Variants in ARHGAP10 observed in about 807,000 individuals in gnomAD.
The protein encoded by ARHGAP10 is rho GTPase-activating protein 10.
A neutral mutation model predicts 108.6 loss-of-function variants in ARHGAP10; 87 were observed. That is an observed-to-expected ratio of 0.80 (90% CI 0.67 to 0.96). The LOEUF (loss-of-function observed/expected upper bound fraction) is 0.96. ARHGAP10 is among the 40% of genes least tolerant of loss of function. The probability of loss-of-function intolerance (pLI) is 0.00; values close to 1 mark genes in which losing one functional copy is unlikely to be tolerated. For synonymous variants in ARHGAP10, 347 were observed against 341.1 expected, an observed-to-expected ratio of 1.02 and a Z score of -0.19; for missense variants, 939 against 954.5, an observed-to-expected ratio of 0.98 and a Z score of 0.21.
intron 14 of ARHGAP10, among the ~76,000 whole-genome samples, chr4:147,941,704 T>C (rs544993550): frequency 6.6e-6 from 1 of 152,374 alleles, no homozygotes; most frequent in South Asian, 2.1e-4. Flanking sequence ...TTGAGTAATC[T>C]ATAAATAATT....
At chr4:147,968,440 T>C (rs1014748055) in intron 18 of ARHGAP10, among the ~76,000 whole-genome samples, 3 of 152,252 alleles carry the variant, frequency 2.0e-5, no homozygotes, top group Non-Finnish European at 4.4e-5. Context: ...CAGAAGTTAT[T>C]ACCCCTTTTG....
chr4:147,910,794 C>T (rs890017487), intron 12 of ARHGAP10, among the ~76,000 whole-genome samples: 1 of 152,084 alleles, frequency 6.6e-6, no homozygotes, highest in African/African-American at 2.4e-5. Flanking sequence ...TTTGTAAACA[C>T]TGTGGTTATG....
chr4:148,037,646 C>T (rs1728438746), intron 19 of ARHGAP10, among the ~76,000 whole-genome samples: 1 of 152,052 alleles, frequency 6.6e-6, no homozygotes, highest in Non-Finnish European at 1.5e-5. Context: ...ATCATCCTGG[C>T]CAACATGGTG....
At chr4:147,868,258 A>T (rs1734650287) in intron 7 of ARHGAP10, among the ~76,000 whole-genome samples, 1 of 149,884 alleles carries the variant, frequency 6.7e-6, no homozygotes, top group Non-Finnish European at 1.5e-5. Flanking sequence ...TTTTTTTGAG[A>T]CAGGGTGTCA....
At chr4:148,028,102 A>G (rs1727961292) in intron 19 of ARHGAP10, among the ~76,000 whole-genome samples, 1 of 152,296 alleles carries the variant, frequency 6.6e-6, no homozygotes, top group Non-Finnish European at 1.5e-5. Flanking sequence ...GCCCAGTGCT[A>G]GCTCTGAGGA....
intron 13 of ARHGAP10, chr4:147,917,468 A>C (rs1203941834): frequency 6.6e-6 from 1 of 152,278 alleles, no homozygotes; most frequent in Non-Finnish European, 1.5e-5. Context: ...AGCTCCACTT[A>C]CAAGAGGCTT....
chr4:147,829,463 A>T (rs1732860662), intron 3 of ARHGAP10, among the ~76,000 whole-genome samples: 1 of 152,136 alleles, frequency 6.6e-6, no homozygotes. Context: ...TGCTGGGATT[A>T]CAGATGTGAG....
At chr4:147,850,294 T>TCC (rs1473636849) in intron 4 of ARHGAP10, among the ~76,000 whole-genome samples, 1 of 152,206 alleles carries the variant, frequency 6.6e-6, no homozygotes, top group African/African-American at 2.4e-5. Context: ...AGTAAGGGAA[T>TCC]AAAAGCTGGC....
intron 1 of ARHGAP10, among the ~76,000 whole-genome samples, chr4:147,804,844 T>G (rs952549718): frequency 8.5e-5 from 13 of 152,310 alleles, no homozygotes; most frequent in Admixed American, 2.6e-4. Context: ...GCTTGTTAAT[T>G]TAAGCTCCTT....
chr4:147,842,214 G>A (rs1733441864), intron 3 of ARHGAP10, among the ~76,000 whole-genome samples: 1 of 152,138 alleles, frequency 6.6e-6, no homozygotes, highest in African/African-American at 2.4e-5. Flanking sequence ...GGGTTATGGG[G>A]TGTGAGCCAC....
intron 10 of ARHGAP10, among the ~76,000 whole-genome samples, chr4:147,897,207 A>G (rs947036643): frequency 3.3e-5 from 5 of 151,700 alleles, no homozygotes; most frequent in African/African-American, 1.2e-4. Context: ...TTAAAAAAAT[A>G]TGCTAGCCAT....
At chr4:147,968,126 A>G (rs989655461) in intron 18 of ARHGAP10, among the ~76,000 whole-genome samples, 7 of 152,192 alleles carry the variant, frequency 4.6e-5, no homozygotes, top group African/African-American at 1.4e-4. Context: ...GTGTCTATTC[A>G]GTTTAGCTGG....
intron 1 of ARHGAP10, among the ~76,000 whole-genome samples, chr4:147,779,406 A>C (rs1730436625): frequency 6.6e-6 from 1 of 152,120 alleles, no homozygotes; most frequent in South Asian, 2.1e-4. Flanking sequence ...GCCATTGACA[A>C]ATTTTGATCA....
chr4:147,791,531 T>G (rs1731122521), intron 1 of ARHGAP10, among the ~76,000 whole-genome samples: 1 of 152,112 alleles, frequency 6.6e-6, no homozygotes, highest in Non-Finnish European at 1.5e-5. Context: ...CGTGTGTGTG[T>G]GTGCGCGCGC....
At chr4:148,038,364 A>G (rs1021837241) in intron 19 of ARHGAP10, among the ~76,000 whole-genome samples, 4 of 152,258 alleles carry the variant, frequency 2.6e-5, no homozygotes, top group Non-Finnish European at 5.9e-5. Flanking sequence ...TGTTTTAAAC[A>G]GGCTTATACT....
chr4:148,011,372 C>T (rs374771437), intron 18 of ARHGAP10, among the ~76,000 whole-genome samples: 27 of 152,332 alleles, frequency 1.8e-4, no homozygotes, highest in African/African-American at 6.0e-4. Context: ...CTGGAATCAT[C>T]TGGAGGCTTC....
Position 148,023,424 on chromosome 4 carries a change from AATG to A in ARHGAP10, c.1867+14_1867+16del, listed in dbSNP as rs1167918680. 1.2e-6 allele frequency: 2 copies of A among 1,608,424 alleles called. No individual in the cohort carries two copies. The highest frequency in any genetic ancestry group is 1.3e-5 in the African/African-American group (1 of 74,810). On this transcript the variant is annotated intron_variant, in intron 19 of 22. Coordinates refer to ENST00000336498, the MANE Select transcript of ARHGAP10 (RefSeq NM_024605.4). Reference sequence around the variant, plus strand: ...TGGAGCTGGAAGATGGTAAGATGTTAATGATATTTTTTGCTTGATAGCATGTTG... The same window carrying A: ...TGGAGCTGGAAGATGGTAAGATGTTAATATTTTTTGCTTGATAGCATGTTG...
chr4:147,935,828 G>A (rs1006626121), intron 13 of ARHGAP10, among the ~76,000 whole-genome samples: 1 of 152,162 alleles, frequency 6.6e-6, no homozygotes, highest in Non-Finnish European at 1.5e-5. Flanking sequence ...TTTGTGCAAG[G>A]TTTATTTAAA....
At chr4:147,880,688 T>C (rs1365178104) in intron 9 of ARHGAP10, among the ~76,000 whole-genome samples, 1 of 152,220 alleles carries the variant, frequency 6.6e-6, no homozygotes, top group Non-Finnish European at 1.5e-5. Context: ...TGAGCACTTG[T>C]ATTTCTGCAT....
Sources: gnomAD v4.1 joint callset for allele counts (sites outside exome capture counted in the v4.1 genomes callset) on GRCh38, gnomAD v4.1.1 for gene constraint, MANE v1.5 for transcripts, NCBI Gene and HGNC (gene_info 2026-07-23, HGNC 2026-07-21) for gene names.